The following NKD1 variants were observed in gnomAD, a reference collection of about 807,000 sequenced individuals.
NKD1 encodes NKD inhibitor of Wnt signaling pathway 1.
Under a neutral mutation model 56.0 loss-of-function variants are expected in NKD1, and 21 were observed. The ratio of observed to expected loss-of-function variants is 0.38; its 90% CI spans 0.27 to 0.54. NKD1 has a LOEUF of 0.54. Among genes scored for constraint, NKD1 ranks in the 20% least tolerant of loss-of-function variants. The probability of loss-of-function intolerance (pLI) is 0.82; values close to 1 mark genes in which losing one functional copy is unlikely to be tolerated. For missense variants in NKD1, 578 were observed against 642.7 expected, an observed-to-expected ratio of 0.90 and a Z score of 1.09; for synonymous variants, 263 against 265.7, an observed-to-expected ratio of 0.99 and a Z score of 0.10.
chr16:50,630,116 C>T, intron 6 of NKD1, 70 bp from the exon 7 acceptor site: 1 of 1,452,858 alleles, frequency 6.9e-7, no homozygotes, highest in Admixed American at 1.7e-5. Context: ...GTCCACCAGG[C>T]CCTCTGGTTT....
chr16:50,628,339 TACTCTGGACC>T lies in NKD1; in HGVS notation c.463-1842_463-1833del, dbSNP rs1262212989. On this transcript the variant is annotated intron_variant, in intron 6 of 9. Transcript: ENST00000268459. The stretch of plus-strand genomic sequence containing the variant: ...GGTCAGCGCCTCTGTCGGCCCCCAT[TACTCTGGACC>T]ACTCACCCACATGCCTGCCTGGCTG... Among the ~76,000 whole-genome samples the T allele has an allele frequency of 7.2e-5, 11 of 152,274 alleles. 1 individual carries two copies. The South Asian group carries it at 2.3e-3, about 32-fold the overall frequency.
intron 3 of NKD1, 150 bp downstream of exon 3, chr16:50,549,705 G>T: frequency 1.2e-6 from 1 of 830,728 alleles, no homozygotes; most frequent in Non-Finnish European, 1.8e-6. Flanking sequence ...CCACCAACGC[G>T]ACCCTCTGCC....
chr16:50,584,081 G>A (rs914382257), intron 3 of NKD1, among the ~76,000 whole-genome samples: 2 of 152,206 alleles, frequency 1.3e-5, no homozygotes, highest in African/African-American at 2.4e-5. Flanking sequence ...CTGCGAGTAG[G>A]TGGGAGCTGT....
intron 4 of NKD1, among the ~76,000 whole-genome samples, chr16:50,618,810 A>G (rs1175788868): frequency 6.6e-6 from 1 of 152,130 alleles, no homozygotes; most frequent in Non-Finnish European, 1.5e-5. Flanking sequence ...TGAGGGAGCC[A>G]CTGGTGAAGA....
At chr16:50,612,478 G>T (rs1195524460) in intron 4 of NKD1, among the ~76,000 whole-genome samples, 2 of 152,242 alleles carry the variant, frequency 1.3e-5, no homozygotes, top group Non-Finnish European at 2.9e-5. Flanking sequence ...GCACGAGCAA[G>T]GTAGGCAGGC....
At chr16:50,581,295 A>G (rs1961110709) in intron 3 of NKD1, among the ~76,000 whole-genome samples, 1 of 152,244 alleles carries the variant, frequency 6.6e-6, no homozygotes, top group South Asian at 2.1e-4. Flanking sequence ...TAACTGCAGG[A>G]ATTCTCAGAG....
Position 50,572,981 on chromosome 16 carries a change from T to G in NKD1, c.192+23426T>G, listed in dbSNP as rs1960916482. The G allele has an allele frequency of 8.9e-6, 5 of 559,746 alleles. No individual in the cohort carries two copies. The South Asian group carries it at 3.1e-4, about 35-fold the overall frequency. The allele number at this position is 559,746 out of a possible 1,614,324, so 34.7% of individuals were successfully genotyped here. ...AGTTCTGGGCCTGCTGCCTAGCAGT[T>G]GTGCAAATGTAGGCAACTTTCCTAA... On this transcript the variant is annotated intron_variant, in intron 3 of 9. Transcript: ENST00000268459.
rs1437247443 is a variant in NKD1 at position 50,633,386 on chromosome 16, G to A, written c.1018G>A (p.Asp340Asn). Residue 340 changes from aspartate (D) to asparagine (N), a missense_variant, in exon 10 of 10, where the codon GAC (aspartate) becomes AAC (asparagine). Coordinates refer to ENST00000268459, the MANE Select transcript of NKD1 (RefSeq NM_033119.5). The surrounding 1 kb of genome is among the most constrained non-coding windows in gnomAD (Gnocchi z 4.9). ...CCAGCAACGGCTCCGGGGCACCCAG[G>A]ACGGGAGCAAGCACTTTGTGAGGTC... ...ELQQRLRGTQ[D>N]GSKHFVRSPK... 6.2e-7 allele frequency: 1 copy of A among 1,613,928 alleles called. No homozygotes were observed. The highest frequency in any genetic ancestry group is 1.7e-5 in the Admixed American group (1 of 59,986).
chr16:50,633,833 C>T lies in NKD1; in HGVS notation c.*52C>T, dbSNP rs1596763493. 2 of 806,310 alleles carry T rather than the reference C, an allele frequency of 2.5e-6. No homozygotes were observed. Among genetic ancestry groups the T allele is most frequent in the Non-Finnish European group, 3.8e-6 (2 of 525,008 alleles). The allele number at this position is 806,310 out of a possible 1,614,324, so 49.9% of individuals were successfully genotyped here. A position where few individuals can be genotyped will look rare whatever the true frequency, so the allele number is the denominator to read the frequency against. Reference sequence around the variant, plus strand: ...CATATGAAGGACCCCACCCCCGACACCACAAGGCATTATTATTCTATTAAT... The same window carrying T: ...CATATGAAGGACCCCACCCCCGACATCACAAGGCATTATTATTCTATTAAT... On this transcript the variant is annotated 3_prime_UTR_variant, in exon 10 of 10. Coordinates refer to ENST00000268459, the MANE Select transcript of NKD1 (RefSeq NM_033119.5). The surrounding 1 kb of genome is among the most constrained non-coding windows in gnomAD (Gnocchi z 4.9).
At chr16:50,592,379 G>A (rs1225933666) in intron 3 of NKD1, among the ~76,000 whole-genome samples, 2 of 152,250 alleles carry the variant, frequency 1.3e-5, no homozygotes, top group African/African-American at 2.4e-5. Context: ...ATGATTCATA[G>A]TTTCACTTGT....
intron 3 of NKD1, among the ~76,000 whole-genome samples, chr16:50,577,754 C>A (rs1019393519): frequency 6.6e-6 from 1 of 152,162 alleles, no homozygotes; most frequent in Non-Finnish European, 1.5e-5. Flanking sequence ...AATGAGATCA[C>A]GCAGTATTTG....
At position 50,603,217 on chromosome 16, in the gene NKD1, T is replaced by G. The variant is rs1196431870; in HGVS notation, c.193-5077T>G. On this transcript the variant is annotated intron_variant, in intron 3 of 9. Coordinates refer to ENST00000268459, the MANE Select transcript of NKD1 (RefSeq NM_033119.5). ...AGTAATGTGTCTGCTGCCACTCGGC[T>G]GCTGAGGGTGGGACTGGGCCCGGAG... Among the ~76,000 whole-genome samples the G allele has an allele frequency of 4.6e-5, 7 of 152,370 alleles. No homozygotes were observed. The East Asian group carries it at 1.3e-3, about 29-fold the overall frequency.
intron 4 of NKD1, chr16:50,616,056 C>T (rs1567350057): frequency 2.2e-6 from 1 of 455,738 alleles, no homozygotes; most frequent in Non-Finnish European, 4.4e-6. Context: ...CAGCTGCTGT[C>T]AGAAGGTTGT....
At chr16:50,603,302 G>C (rs535643736) in intron 3 of NKD1, among the ~76,000 whole-genome samples, 128 of 152,350 alleles carry the variant, frequency 8.4e-4, no homozygotes, top group Middle Eastern at 3.4e-3. Flanking sequence ...TCCCTGTCCT[G>C]CCTCCCGAGA....
Position 50,598,761 on chromosome 16 carries a change from G to A in NKD1, c.193-9533G>A, listed in dbSNP as rs1402650020. On this transcript the variant is annotated intron_variant, in intron 3 of 9. Coordinates refer to ENST00000268459, the MANE Select transcript of NKD1 (RefSeq NM_033119.5). The surrounding 1 kb of genome is among the most constrained non-coding windows in gnomAD (Gnocchi z 4.2). ...GCTAGTCAGCAGTGTGGCAGGTGGTGGCATGGTGGGGCCAGTGGTGTGGTG... is the reference window on the plus strand; with the variant it reads ...GCTAGTCAGCAGTGTGGCAGGTGGTAGCATGGTGGGGCCAGTGGTGTGGTG... Among the ~76,000 whole-genome samples the A allele has an allele frequency of 6.6e-6, 1 of 152,174 alleles. No individual in the cohort carries two copies. Among genetic ancestry groups the A allele is most frequent in the African/African-American group, 2.4e-5 (1 of 41,426 alleles).
At position 50,608,353 on chromosome 16, in the gene NKD1, G is replaced by C; in HGVS notation, c.252G>C (p.Arg84=). Residue 84 remains arginine (R), a synonymous_variant, in exon 4 of 10, where the codon CGG becomes CGC. Coordinates refer to ENST00000268459, the MANE Select transcript of NKD1 (RefSeq NM_033119.5). The part of the protein sequence containing the change: ...TLSEEEEDDF[R]LEVALPPEKT... ...GCGAGGAAGAGGAGGACGACTTTCGGCTGGAAGGTATTCGGAGTCCATTGC... is the reference window on the plus strand; with the variant it reads ...GCGAGGAAGAGGAGGACGACTTTCGCCTGGAAGGTATTCGGAGTCCATTGC... 1.2e-6 allele frequency: 2 copies of C among 1,611,860 alleles called. No homozygotes were observed. Among genetic ancestry groups the C allele is most frequent in the South Asian group, 2.2e-5 (2 of 91,052 alleles).
chr16:50,644,110 G>T lies in NKD1; in HGVS notation c.*10329G>T, dbSNP rs1216329584. Reference sequence around the variant, plus strand: ...TGTCGGGCCACTCAGACTTTTCACTGCTCTGCGCATATCACGAATGAAGTG... The same window carrying T: ...TGTCGGGCCACTCAGACTTTTCACTTCTCTGCGCATATCACGAATGAAGTG... On this transcript the variant is annotated 3_prime_UTR_variant, in exon 10 of 10. Transcript: ENST00000268459. The T allele has an allele frequency of 6.6e-6, 1 of 152,282 alleles. No individual in the cohort carries two copies. Among genetic ancestry groups the T allele is most frequent in the African/African-American group, 2.4e-5 (1 of 41,472 alleles). 9.4% of individuals were successfully genotyped at this position (152,282 alleles called of 1,614,324 possible). A position where few individuals can be genotyped will look rare whatever the true frequency, so the allele number is the denominator to read the frequency against.
intron 4 of NKD1, among the ~76,000 whole-genome samples, chr16:50,611,479 C>T (rs1961846160): frequency 6.6e-6 from 1 of 151,570 alleles, no homozygotes; most frequent in Non-Finnish European, 1.5e-5. Context: ...GGCCCTGCTG[C>T]CCTCTCCCCA....
intron 1 of NKD1, 51 bp downstream of exon 1, chr16:50,548,629 C>G (rs1243833131): frequency 1.5e-5 from 22 of 1,445,284 alleles, no homozygotes; most frequent in Non-Finnish European, 2.0e-5. Context: ...CCGTCGCCGC[C>G]GCGGTCGCTA....
Sources: gnomAD v4.1 joint callset for allele counts (sites outside exome capture counted in the v4.1 genomes callset) on GRCh38, gnomAD v4.1.1 for gene constraint, Gnocchi (gnomAD v3.1) non-coding constraint, MANE v1.5 for transcripts, NCBI Gene and HGNC (gene_info 2026-07-23, HGNC 2026-07-21) for gene names.